The following RASGRF2 variants were observed in gnomAD, a reference collection of about 807,000 sequenced individuals.
RASGRF2 encodes the protein Ras protein specific guanine nucleotide releasing factor 2, also known as ras-specific guanine nucleotide-releasing factor 2.
A neutral mutation model predicts 151.0 loss-of-function variants in RASGRF2; 76 were observed. That is an observed-to-expected ratio of 0.50 (90% confidence interval 0.42 to 0.61). The LOEUF (loss-of-function observed/expected upper bound fraction) is 0.61, where lower values mean the gene tolerates loss of function less well. Among genes scored for constraint, RASGRF2 ranks in the 20% least tolerant of loss-of-function variants. RASGRF2 has a pLI of 0.00. For synonymous variants in RASGRF2, 504 were observed against 566.5 expected, an observed-to-expected ratio of 0.89 and a Z score of 1.57; for missense variants, 1,148 against 1,564.6, an observed-to-expected ratio of 0.73 and a Z score of 4.49.
intron 1 of RASGRF2, among the ~76,000 whole-genome samples, chr5:81,039,978 A>T (rs1453902298): frequency 1.3e-5 from 2 of 152,052 alleles, no homozygotes; most frequent in Non-Finnish European, 2.9e-5. Context: ...CATATGGCTT[A>T]ATTTTTTTTA....
At chr5:81,030,646 G>A (rs1349164428) in intron 1 of RASGRF2, among the ~76,000 whole-genome samples, 1 of 152,074 alleles carries the variant, frequency 6.6e-6, no homozygotes, top group African/African-American at 2.4e-5. Context: ...AGCTCCTGAA[G>A]GAAGCACTAA....
At chr5:81,204,911 AG>A (rs1755472336) in intron 19 of RASGRF2, among the ~76,000 whole-genome samples, 1 of 152,200 alleles carries the variant, frequency 6.6e-6, no homozygotes, top group African/African-American at 2.4e-5. Flanking sequence ...TTTCTTTCCA[AG>A]GGAAAGATAT....
intron 17 of RASGRF2, among the ~76,000 whole-genome samples, chr5:81,168,657 C>G (rs1451471835): frequency 6.6e-6 from 1 of 152,186 alleles, no homozygotes; most frequent in Non-Finnish European, 1.5e-5. Context: ...CTCCCTTCCT[C>G]TGCTTCTTTT....
chr5:81,023,685 A>G (rs1749908754), intron 1 of RASGRF2, among the ~76,000 whole-genome samples: 2 of 152,226 alleles, frequency 1.3e-5, no homozygotes. Context: ...GTACTCTGCT[A>G]ATGTAATTGC....
chr5:81,089,766 T>C (rs1003258124), intron 9 of RASGRF2, among the ~76,000 whole-genome samples: 3 of 152,318 alleles, frequency 2.0e-5, no homozygotes, highest in Non-Finnish European at 4.4e-5. Flanking sequence ...CAGTTTCTTC[T>C]CCTTAAATTG....
chr5:80,976,983 G>A (rs1161412325), intron 1 of RASGRF2, among the ~76,000 whole-genome samples: 1 of 152,158 alleles, frequency 6.6e-6, no homozygotes, highest in Non-Finnish European at 1.5e-5. Flanking sequence ...GATGTACATG[G>A]TCTTTCTGTT....
At chr5:81,204,874 G>C (rs1453982403) in intron 19 of RASGRF2, among the ~76,000 whole-genome samples, 12 of 152,164 alleles carry the variant, frequency 7.9e-5, no homozygotes. Context: ...AGGAACATTT[G>C]ATGGGAGCTA....
chr5:81,092,470 AATTG>A (rs1752418355), intron 9 of RASGRF2, among the ~76,000 whole-genome samples: 1 of 152,200 alleles, frequency 6.6e-6, no homozygotes. Context: ...TAAATACATA[AATTG>A]ATTGGATCAG....
chr5:81,046,438 G>A (rs930909174), intron 2 of RASGRF2, among the ~76,000 whole-genome samples: 1 of 152,034 alleles, frequency 6.6e-6, no homozygotes, highest in Non-Finnish European at 1.5e-5. Flanking sequence ...GCTTTGACCA[G>A]TCCAAGAAGC....
At chr5:81,114,017 CT>C in intron 15 of RASGRF2, 97 bp downstream of exon 15, 1 of 1,391,414 alleles carries the variant, frequency 7.2e-7, no homozygotes, top group Non-Finnish European at 9.7e-7. Flanking sequence ...TTCTTTACAA[CT>C]GTAATACTTC....
chr5:81,205,184 G>A (rs980190678), intron 19 of RASGRF2, among the ~76,000 whole-genome samples: 3 of 152,138 alleles, frequency 2.0e-5, no homozygotes, highest in African/African-American at 4.8e-5. Context: ...GCTAAGTGCC[G>A]ATAAGAGGGC....
At chr5:81,214,831 CCCCAGA>C (rs1352734684) in intron 23 of RASGRF2, among the ~76,000 whole-genome samples, 7 of 152,204 alleles carry the variant, frequency 4.6e-5, no homozygotes, top group African/African-American at 1.7e-4. Context: ...ATGGAAGAAA[CCCCAGA>C]CCAATGTCAA....
In RASGRF2 at chr5:81,179,651, T is replaced by G. The variant is rs532620004; in HGVS notation, c.2687-524T>G. 2.0e-5 allele frequency among the ~76,000 whole-genome samples: 3 copies of G among 152,348 alleles called. No homozygotes were observed. In the South Asian group the frequency reaches 6.2e-4, roughly 32 times the overall value. ...GTGTGTGTGGTGAAAACATTTAAAA[T>G]CTACTCTTGTAGTATTTTTTAAATA... On this transcript the variant is annotated intron_variant, in intron 17 of 26. Transcript: ENST00000265080.
intron 18 of RASGRF2, among the ~76,000 whole-genome samples, chr5:81,191,677 A>G (rs1475066516): frequency 6.6e-6 from 1 of 151,668 alleles, no homozygotes; most frequent in Non-Finnish European, 1.5e-5. Flanking sequence ...ATCTGAAAAA[A>G]AAATTCTCTT....
intron 1 of RASGRF2, among the ~76,000 whole-genome samples, chr5:81,005,171 G>A (rs545692062): frequency 2.6e-4 from 40 of 152,178 alleles, no homozygotes; most frequent in Non-Finnish European, 5.3e-4. Context: ...CTATTCCCAC[G>A]CTGCTAATAA....
chr5:81,128,263 TAA>T (rs1399389666), intron 17 of RASGRF2, among the ~76,000 whole-genome samples: 1 of 152,118 alleles, frequency 6.6e-6, no homozygotes, highest in African/African-American at 2.4e-5. Flanking sequence ...TGAAAATGGT[TAA>T]GAGAGTAGAT....
At chr5:81,056,950 C>A (rs985989199) in intron 2 of RASGRF2, among the ~76,000 whole-genome samples, 2 of 152,178 alleles carry the variant, frequency 1.3e-5, no homozygotes, top group African/African-American at 4.8e-5. Context: ...AGGATTGCAA[C>A]CCCTGCCTTT....
chr5:81,105,341 T>C (rs1459082628), intron 12 of RASGRF2, among the ~76,000 whole-genome samples: 1 of 152,104 alleles, frequency 6.6e-6, no homozygotes, highest in Non-Finnish European at 1.5e-5. Flanking sequence ...TCTGACCCCC[T>C]GTCCAGGACG....
chr5:81,200,404 C>G (rs185044730), intron 18 of RASGRF2, among the ~76,000 whole-genome samples: 1 of 152,184 alleles, frequency 6.6e-6, no homozygotes. Flanking sequence ...TTATTACTCT[C>G]ATTATTCATT....
Sources: gnomAD v4.1 joint callset for allele counts (sites outside exome capture counted in the v4.1 genomes callset) on GRCh38, gnomAD v4.1.1 for gene constraint, MANE v1.5 for transcripts, NCBI Gene and HGNC (gene_info 2026-07-23, HGNC 2026-07-21) for gene names.